Variants in EYS observed in about 807,000 individuals in gnomAD.
The protein encoded by EYS is protein eyes shut homolog.
A neutral mutation model predicts 282.1 loss-of-function variants in EYS; 250 were observed. The ratio of observed to expected loss-of-function variants is 0.89; its 90% CI spans 0.80 to 0.98. EYS has a LOEUF of 0.98. EYS is among the 50% of genes least tolerant of loss of function. The pLI is 0.00. For missense variants in EYS, 4,016 were observed against 3,709.0 expected, an observed-to-expected ratio of 1.08 and a Z score of -2.15; for synonymous variants, 1,355 against 1,282.9, an observed-to-expected ratio of 1.06 and a Z score of -1.20.
intron 33 of EYS, among the ~76,000 whole-genome samples, chr6:64,013,737 T>A (rs1351447388): frequency 6.6e-6 from 1 of 152,136 alleles, no homozygotes; most frequent in Non-Finnish European, 1.5e-5. Flanking sequence ...CTTAGTAGCA[T>A]TTAAGTATTC....
intron 11 of EYS, among the ~76,000 whole-genome samples, chr6:65,300,322 T>A (rs1768782711): frequency 6.6e-6 from 1 of 152,212 alleles, no homozygotes; most frequent in Non-Finnish European, 1.5e-5. Flanking sequence ...AAATTCCTCA[T>A]CTTTTCCTTA....
chr6:64,717,290 T>C (rs574840303), intron 22 of EYS, among the ~76,000 whole-genome samples: 1 of 152,332 alleles, frequency 6.6e-6, no homozygotes, highest in African/African-American at 2.4e-5. Context: ...TGACGTATTA[T>C]GGTCTCTGTT....
intron 1 of EYS, among the ~76,000 whole-genome samples, chr6:65,702,688 C>A (rs145939543): frequency 2.0e-5 from 3 of 150,646 alleles, no homozygotes; most frequent in Admixed American, 2.0e-4. Context: ...TGAGACTCCA[C>A]GTCAAAAAAT....
chr6:65,071,866 G>C (rs1016663652), intron 12 of EYS, among the ~76,000 whole-genome samples: 1 of 151,920 alleles, frequency 6.6e-6, no homozygotes, highest in Non-Finnish European at 1.5e-5. Flanking sequence ...TTTAGGTTAT[G>C]AGGTCTTCAC....
At chr6:64,701,716 T>A (rs1220861689) in intron 22 of EYS, among the ~76,000 whole-genome samples, 1 of 151,978 alleles carries the variant, frequency 6.6e-6, no homozygotes, top group African/African-American at 2.4e-5. Context: ...GGGTGAGGGA[T>A]GAGAAATTAC....
At chr6:63,756,123 T>C (rs772700250) in intron 41 of EYS, among the ~76,000 whole-genome samples, 5 of 152,184 alleles carry the variant, frequency 3.3e-5, no homozygotes, top group African/African-American at 9.7e-5. Flanking sequence ...CCTTTATTTC[T>C]TTCTCTTGCC....
intron 14 of EYS, among the ~76,000 whole-genome samples, chr6:64,996,451 C>G (rs951293378): frequency 3.3e-5 from 5 of 152,140 alleles, no homozygotes; most frequent in Non-Finnish European, 5.9e-5. Flanking sequence ...GCGACGAAAT[C>G]TTTCCTCAGA....
intron 12 of EYS, among the ~76,000 whole-genome samples, chr6:65,202,718 C>G (rs1015812801): frequency 6.6e-6 from 1 of 152,142 alleles, no homozygotes; most frequent in African/African-American, 2.4e-5. Context: ...GAAATCTCAC[C>G]ATCGAGATGC....
chr6:64,163,318 A>G (rs928351489), intron 31 of EYS, among the ~76,000 whole-genome samples: 1 of 152,110 alleles, frequency 6.6e-6, no homozygotes, highest in Non-Finnish European at 1.5e-5. Context: ...CATTTCGTTT[A>G]GGTTGACTTT....
At chr6:63,882,851 G>C (rs1581930871) in intron 35 of EYS, among the ~76,000 whole-genome samples, 1 of 152,146 alleles carries the variant, frequency 6.6e-6, no homozygotes, top group African/African-American at 2.4e-5. Flanking sequence ...AGATATGAGA[G>C]AAAGTCTGAC....
At chr6:64,718,731 A>G (rs1243419306) in intron 22 of EYS, among the ~76,000 whole-genome samples, 1 of 152,218 alleles carries the variant, frequency 6.6e-6, no homozygotes, top group Non-Finnish European at 1.5e-5. Context: ...AAATAGTAGA[A>G]TCAATCTCAG....
intron 11 of EYS, chr6:65,331,578 A>T: frequency 3.1e-6 from 3 of 974,342 alleles, no homozygotes; most frequent in Non-Finnish European, 3.7e-6. Flanking sequence ...AAATTACAAA[A>T]ATTTTGTAAT....
chr6:65,443,497 A>G (rs1768509994), intron 5 of EYS, among the ~76,000 whole-genome samples: 1 of 151,840 alleles, frequency 6.6e-6, no homozygotes, highest in Non-Finnish European at 1.5e-5. Flanking sequence ...ATGCGCATAT[A>G]CTTATATGTA....
intron 40 of EYS, among the ~76,000 whole-genome samples, chr6:63,763,774 T>G (rs2149656650): frequency 6.6e-6 from 1 of 151,660 alleles, no homozygotes; most frequent in African/African-American, 2.4e-5. Flanking sequence ...GTTTCAAGTA[T>G]GTCTTTATTA....
chr6:64,528,796 C>T (rs1248901268), intron 26 of EYS, among the ~76,000 whole-genome samples: 1 of 151,962 alleles, frequency 6.6e-6, no homozygotes, highest in African/African-American at 2.4e-5. Flanking sequence ...TGTATTGCCA[C>T]TCTACAGAGC....
chr6:65,655,000 AAT>A (rs1471358726), intron 1 of EYS, among the ~76,000 whole-genome samples: 79 of 147,984 alleles, frequency 5.3e-4, no homozygotes, highest in African/African-American at 1.8e-3. Flanking sequence ...AAAAAAAAAA[AAT>A]GTTTGTCCAA....
At chr6:64,313,040 T>C (rs562677945) in intron 29 of EYS, among the ~76,000 whole-genome samples, 2 of 152,294 alleles carry the variant, frequency 1.3e-5, no homozygotes, top group Admixed American at 6.5e-5. Flanking sequence ...GTTTGATGAA[T>C]TGGAAGAAGT....
At position 64,145,058 on chromosome 6, in the gene EYS, A is replaced by G. The variant is rs144311001; in HGVS notation, c.6425-63056T>C. ...TAAACTACTTATTGTTATTCTATGA[A>G]CACAAAAGGATGATAAATTTGAGGG... On this transcript the variant is annotated intron_variant, in intron 31 of 42. Coordinates refer to ENST00000503581, the MANE Select transcript of EYS (RefSeq NM_001142800.2). 2.3e-3 allele frequency among the ~76,000 whole-genome samples: 348 copies of G among 152,268 alleles called. 1 individual carries two copies. The highest frequency in any genetic ancestry group is 2.0e-3 in the Non-Finnish European group (134 of 68,014).
At chr6:64,240,351 C>T (rs1174826050) in intron 30 of EYS, among the ~76,000 whole-genome samples, 2 of 152,136 alleles carry the variant, frequency 1.3e-5, no homozygotes, top group African/African-American at 4.8e-5. Context: ...GGGCAATAGG[C>T]CATTTTCATG....
Sources: gnomAD v4.1 joint callset for allele counts (sites outside exome capture counted in the v4.1 genomes callset) on GRCh38, gnomAD v4.1.1 for gene constraint, MANE v1.5 for transcripts, NCBI Gene and HGNC (gene_info 2026-07-23, HGNC 2026-07-21) for gene names.